PRKCZ: variants seen among roughly 807,000 people sequenced by gnomAD.
The protein encoded by PRKCZ is protein kinase C zeta type.
Under a neutral mutation model 79.5 loss-of-function variants are expected in PRKCZ, and 33 were observed. That is an observed-to-expected ratio of 0.41 (90% CI 0.31 to 0.55). The LOEUF (loss-of-function observed/expected upper bound fraction) is 0.55, where lower values mean the gene tolerates loss of function less well. Ranked by LOEUF, PRKCZ falls within the 20% of genes least tolerant of loss-of-function variation. The pLI, the probability that PRKCZ is intolerant of heterozygous loss-of-function variation, is 0.19. For missense variants in PRKCZ, 578 were observed against 813.5 expected (o/e 0.71, Z 3.52); for synonymous variants, 342 against 320.9 (o/e 1.07, Z -0.70).
intron 16 of PRKCZ, among the ~76,000 whole-genome samples, chr1:2,180,097 T>C (rs1166748535): frequency 1.3e-5 from 2 of 152,226 alleles, no homozygotes; most frequent in East Asian, 3.9e-4. Flanking sequence ...CCAGCTCCAC[T>C]ACCCAGGGCC....
At position 2,141,621 on chromosome 1, in the gene PRKCZ, C is replaced by T. The variant is rs529964890; in HGVS notation, c.421-2589C>T. 1.5e-4 allele frequency: 23 copies of T among 154,050 alleles called. No homozygotes were observed. The East Asian group carries it at 4.4e-3, about 30-fold the overall frequency. The allele number at this position is 154,050 out of a possible 1,614,324, so 9.5% of individuals were successfully genotyped here. A position where few individuals can be genotyped will look rare whatever the true frequency, so the allele number is the denominator to read the frequency against. On this transcript the variant is annotated intron_variant, in intron 5 of 17. Coordinates refer to ENST00000378567, the MANE Select transcript of PRKCZ (RefSeq NM_002744.6). ...TTGGCCTCCCAAAGTGCTGGGATTA[C>T]AGGCATGAGCCACTGCGCCTGGCCA... is the stretch of plus-strand genomic sequence containing the variant.
intron 4 of PRKCZ, among the ~76,000 whole-genome samples, chr1:2,081,105 C>T (rs373627079): frequency 2.6e-5 from 4 of 152,312 alleles, no homozygotes; most frequent in African/African-American, 9.6e-5. Flanking sequence ...GTGAGGCGTG[C>T]GTGGCCCACA....
intron 4 of PRKCZ, among the ~76,000 whole-genome samples, chr1:2,107,071 A>G (rs544111553): frequency 2.6e-5 from 4 of 152,374 alleles, no homozygotes; most frequent in Admixed American, 2.0e-4. Context: ...TTTGAGATCA[A>G]AGTTAAAAGA....
chr1:2,077,213 C>T (rs1557505542), intron 4 of PRKCZ, among the ~76,000 whole-genome samples: 1 of 152,230 alleles, frequency 6.6e-6, no homozygotes, highest in African/African-American at 2.4e-5. Context: ...TACACGCGCT[C>T]TGGTGGGTGG....
At chr1:2,120,200 G>A (rs568380797) in intron 4 of PRKCZ, among the ~76,000 whole-genome samples, 3 of 150,992 alleles carry the variant, frequency 2.0e-5, no homozygotes, top group East Asian at 2.0e-4. Flanking sequence ...CAGAGGAATC[G>A]AGAATTTCTC....
At chr1:2,143,410 A>C (rs534821867) in intron 5 of PRKCZ, 1 of 152,360 alleles carries the variant, frequency 6.6e-6, no homozygotes, top group South Asian at 2.1e-4. Flanking sequence ...AAGAGGGAAA[A>C]GCATATGAAA....
At chr1:2,131,099 G>A (rs1674867786) in intron 4 of PRKCZ, among the ~76,000 whole-genome samples, 1 of 152,120 alleles carries the variant, frequency 6.6e-6, no homozygotes, top group Non-Finnish European at 1.5e-5. Context: ...TCGCCTCTGT[G>A]GTCTTTGGGT....
intron 5 of PRKCZ, among the ~76,000 whole-genome samples, 153 bp downstream of exon 5, chr1:2,135,500 A>G (rs1385751364): frequency 1.3e-5 from 2 of 152,210 alleles, no homozygotes; most frequent in Non-Finnish European, 2.9e-5. Flanking sequence ...CTGGTGCAGG[A>G]TGAGGCTTTG....
rs761295388 is a variant in PRKCZ, at chr1:2,172,214, C to T, written c.1197+24C>T. On this transcript the variant is annotated intron_variant, in intron 12 of 17. Transcript: ENST00000378567. The surrounding 1 kb of genome is among the most constrained non-coding windows in gnomAD (Gnocchi z 7.8). ...AGGTGCGTGCCTTGGACCGCCTCCC[C>T]TGACCATCCCGCATGTGCGTCTCGG... 22 of 1,613,326 alleles carry T rather than the reference C, an allele frequency of 1.4e-5. No individual in the cohort carries two copies. The highest frequency in any genetic ancestry group is 5.0e-5 in the Admixed American group (3 of 59,996).
Position 2,177,017 on chromosome 1 carries a change from G to A in PRKCZ, c.1575+1704G>A, listed in dbSNP as rs2100447973. On this transcript the variant is annotated intron_variant, in intron 16 of 17. Coordinates refer to ENST00000378567, the MANE Select transcript of PRKCZ (RefSeq NM_002744.6). The surrounding 1 kb of genome is among the most constrained non-coding windows in gnomAD (Gnocchi z 6.4). ...TTCATTTAAATTTATGCCTCTGGTA[G>A]CATAAGGGAGAAGAGATCTGCCTTT... Among the ~76,000 whole-genome samples, 1 of 152,358 alleles carries A rather than the reference G, an allele frequency of 6.6e-6. No individual in the cohort carries two copies.
chr1:2,139,438 A>G (rs975999702), intron 5 of PRKCZ, among the ~76,000 whole-genome samples: 1 of 152,040 alleles, frequency 6.6e-6, no homozygotes, highest in Non-Finnish European at 1.5e-5. Context: ...AAATACAAAA[A>G]AAGTAGCCAG....
At chr1:2,113,745 A>G (rs1316282944) in intron 4 of PRKCZ, among the ~76,000 whole-genome samples, 2 of 152,108 alleles carry the variant, frequency 1.3e-5, no homozygotes, top group African/African-American at 4.8e-5. Flanking sequence ...GAGTTGGGGC[A>G]CAGAGGACTC....
chr1:2,129,681 T>G (rs970319714), intron 4 of PRKCZ, among the ~76,000 whole-genome samples: 1 of 152,160 alleles, frequency 6.6e-6, no homozygotes, highest in African/African-American at 2.4e-5. Context: ...AAAGCTGTTC[T>G]TAAAAATAGT....
chr1:2,147,043 T>A (rs262676), intron 7 of PRKCZ, among the ~76,000 whole-genome samples: 35,811 of 152,072 alleles, frequency 0.24, 4,852 homozygotes, highest in Admixed American at 0.33. Flanking sequence ...CCACCCATCC[T>A]CCAGCTATCT....
chr1:2,140,774 G>A (rs1273942186), intron 5 of PRKCZ, among the ~76,000 whole-genome samples: 1 of 152,224 alleles, frequency 6.6e-6, no homozygotes. Flanking sequence ...TTCGAGACGA[G>A]CCTGGCCAAC....
At chr1:2,099,689 C>T (rs1219383510) in intron 4 of PRKCZ, among the ~76,000 whole-genome samples, 2 of 152,084 alleles carry the variant, frequency 1.3e-5, no homozygotes, top group Non-Finnish European at 2.9e-5. Context: ...GACGGGGCAG[C>T]GTGGAGGTGA....
intron 4 of PRKCZ, among the ~76,000 whole-genome samples, chr1:2,066,757 C>G (rs1229461236): frequency 6.6e-6 from 1 of 151,968 alleles, no homozygotes; most frequent in East Asian, 1.9e-4. Flanking sequence ...TTTTTTATTT[C>G]AAATATTTAT....
Position 2,067,428 on chromosome 1 carries a change from C to T in PRKCZ, c.334+7837C>T, listed in dbSNP as rs143056430. 4.1e-4 allele frequency among the ~76,000 whole-genome samples: 63 copies of T among 152,254 alleles called. 4 individuals carry two copies. In the South Asian group the frequency reaches 6.4e-3, roughly 16 times the overall value. ...GGACACTGGTGGGGGCTGGGTCGTT[C>T]GGGGCTGAGCGTGTGATGAGATCAG... is the stretch of plus-strand genomic sequence containing the variant. On this transcript the variant is annotated intron_variant, in intron 4 of 17. Transcript: ENST00000378567.
At chr1:2,148,150 G>C (rs1304205949) in intron 7 of PRKCZ, among the ~76,000 whole-genome samples, 1 of 130,708 alleles carries the variant, frequency 7.7e-6, no homozygotes, top group Non-Finnish European at 1.6e-5. Context: ...CCATCTGTCT[G>C]TTGTCCACTG....
Sources: gnomAD v4.1 joint callset for allele counts (sites outside exome capture counted in the v4.1 genomes callset) on GRCh38, gnomAD v4.1.1 for gene constraint, Gnocchi (gnomAD v3.1) non-coding constraint, MANE v1.5 for transcripts, NCBI Gene and HGNC (gene_info 2026-07-23, HGNC 2026-07-21) for gene names.